Variants in AKAP13 observed in about 807,000 individuals in gnomAD.
The protein encoded by AKAP13 is A-kinase anchor protein 13.
AKAP13 carries 80 observed loss-of-function variants against 264.5 expected under a neutral mutation model. That is an observed-to-expected ratio of 0.30 (90% CI 0.25 to 0.36). AKAP13 has a LOEUF of 0.36. AKAP13 is among the 10% of genes least tolerant of loss of function. AKAP13 has a pLI of 1.00. For synonymous variants in AKAP13, 1,380 were observed against 1,250.2 expected, an observed-to-expected ratio of 1.10 and a Z score of -2.19; for missense variants, 3,712 against 3,435.2, an observed-to-expected ratio of 1.08 and a Z score of -2.01.
At chr15:85,454,665 G>A (rs973014561) in intron 1 of AKAP13, among the ~76,000 whole-genome samples, 6 of 151,982 alleles carry the variant, frequency 3.9e-5, no homozygotes, top group South Asian at 2.1e-4. Flanking sequence ...AAATCTTATC[G>A]TGATGTAATT....
intron 8 of AKAP13, among the ~76,000 whole-genome samples, chr15:85,609,520 G>A (rs192023370): frequency 1.3e-5 from 2 of 152,110 alleles, no homozygotes; most frequent in Non-Finnish European, 2.9e-5. Flanking sequence ...TTCATCTGTC[G>A]ATGGACACTT....
At chr15:85,742,508 C>T (rs1289320656) in intron 35 of AKAP13, among the ~76,000 whole-genome samples, 1 of 152,210 alleles carries the variant, frequency 6.6e-6, no homozygotes, top group Non-Finnish European at 1.5e-5. Context: ...GGCCGCCACT[C>T]CTCTCGTGGA....
chr15:85,428,362 G>C (rs1800271714), intron 1 of AKAP13, among the ~76,000 whole-genome samples: 1 of 152,162 alleles, frequency 6.6e-6, no homozygotes, highest in African/African-American at 2.4e-5. Context: ...ACCACACCTG[G>C]CTAATTTTGT....
At chr15:85,419,771 G>A (rs1184183889) in intron 1 of AKAP13, among the ~76,000 whole-genome samples, 2 of 152,052 alleles carry the variant, frequency 1.3e-5, no homozygotes, top group African/African-American at 4.8e-5. Context: ...CTATTCTGTT[G>A]ATAAATGTCA....
At chr15:85,554,385 T>C (rs752300257) in intron 5 of AKAP13, among the ~76,000 whole-genome samples, 6 of 152,214 alleles carry the variant, frequency 3.9e-5, no homozygotes, top group Non-Finnish European at 5.9e-5. Flanking sequence ...TGCGTATGAA[T>C]ATGATATCTC....
At chr15:85,451,671 T>A (rs964114680) in intron 1 of AKAP13, among the ~76,000 whole-genome samples, 3 of 152,200 alleles carry the variant, frequency 2.0e-5, no homozygotes, top group East Asian at 1.9e-4. Context: ...AAGATTTTTT[T>A]AAAGAATGTT....
At chr15:85,494,563 G>A (rs2075820023) in intron 2 of AKAP13, among the ~76,000 whole-genome samples, 2 of 152,168 alleles carry the variant, frequency 1.3e-5, no homozygotes, top group South Asian at 2.1e-4. Context: ...TGTAGGAATG[G>A]ACTTTATGGG....
intron 5 of AKAP13, among the ~76,000 whole-genome samples, chr15:85,546,918 A>G (rs1313730046): frequency 1.3e-5 from 2 of 151,848 alleles, no homozygotes; most frequent in African/African-American, 2.4e-5. Context: ...TAATTTTTGT[A>G]TTTTTAGTAG....
intron 3 of AKAP13, among the ~76,000 whole-genome samples, chr15:85,530,106 A>G (rs2077199485): frequency 6.6e-6 from 1 of 152,174 alleles, no homozygotes; most frequent in Non-Finnish European, 1.5e-5. Flanking sequence ...TTCACCTGCT[A>G]ACAAACTCTG....
chr15:85,713,605 C>G (rs1755583206), intron 19 of AKAP13, among the ~76,000 whole-genome samples: 1 of 152,046 alleles, frequency 6.6e-6, no homozygotes, highest in Admixed American at 6.6e-5. Flanking sequence ...GGGCCACATC[C>G]CATAATCCTT....
In AKAP13 at chr15:85,724,787, C is replaced by T. The variant is rs899424644; in HGVS notation, c.6745+1467C>T. Among the ~76,000 whole-genome samples, 1 of 151,794 alleles carries T rather than the reference C, an allele frequency of 6.6e-6. No homozygotes were observed. Among genetic ancestry groups the T allele is most frequent in the African/African-American group, 2.4e-5 (1 of 41,286 alleles). On this transcript the variant is annotated intron_variant, in intron 26 of 36. Coordinates refer to ENST00000394518, the MANE Select transcript of AKAP13 (RefSeq NM_007200.5). The surrounding 1 kb of genome is among the most constrained non-coding windows in gnomAD (Gnocchi z 4.2). ...GTGACAGATAAGAGACTGTGCAGTG[C>T]TTTGGGGAAGAGCTCATCTGGGCCT...
chr15:85,636,426 T>G (rs2082072932), intron 8 of AKAP13, among the ~76,000 whole-genome samples: 1 of 152,220 alleles, frequency 6.6e-6, no homozygotes, highest in Non-Finnish European at 1.5e-5. Flanking sequence ...TCCAGAATAT[T>G]GTTGAATAAA....
At chr15:85,420,097 A>C (rs2072451007) in intron 1 of AKAP13, among the ~76,000 whole-genome samples, 2 of 151,476 alleles carry the variant, frequency 1.3e-5, no homozygotes, top group African/African-American at 2.4e-5. Flanking sequence ...GCCCGCCACT[A>C]CGCCCGGCTA....
chr15:85,508,679 A>G (rs1322677653), intron 2 of AKAP13, among the ~76,000 whole-genome samples: 2 of 151,912 alleles, frequency 1.3e-5, no homozygotes, highest in Non-Finnish European at 2.9e-5. Context: ...AAACCCTCCA[A>G]TGGTTTAGCA....
intron 3 of AKAP13, among the ~76,000 whole-genome samples, chr15:85,524,464 G>A (rs1318254565): frequency 1.3e-5 from 2 of 151,926 alleles, no homozygotes; most frequent in East Asian, 1.9e-4. Context: ...GTGAGCCACC[G>A]TGCCCAGCCT....
In AKAP13 at chr15:85,533,752, G is replaced by T; in HGVS notation, c.350G>T (p.Arg117Leu). The T allele has an allele frequency of 6.2e-7, 1 of 1,614,086 alleles. No homozygotes were observed. Among genetic ancestry groups the T allele is most frequent in the Non-Finnish European group, 8.5e-7 (1 of 1,180,012 alleles). ...AATCAGCAGGCTTTGAACTTTACCC[G>T]TTTTCTTGACCAGTCAGGACCCCCA... ...AGNQQALNFT[R>L]FLDQSGPPSG... Residue 117 changes from arginine to leucine, a missense_variant, in exon 4 of 37, where the codon CGT becomes CTT. Physicochemically the swap from Arg to Leu is moderately radical, Grantham distance 102 (BLOSUM62 -2). Around this residue, in one of 3 missense-constraint regions of AKAP13, gnomAD observed 2,759 missense variants for 2,411.7 expected, o/e 1.14. Coordinates refer to ENST00000394518, the MANE Select transcript of AKAP13 (RefSeq NM_007200.5).
intron 33 of AKAP13, among the ~76,000 whole-genome samples, chr15:85,738,213 C>T (rs1230340344): frequency 6.6e-6 from 1 of 151,574 alleles, no homozygotes; most frequent in Non-Finnish European, 1.5e-5. Flanking sequence ...GCCTGGCTAA[C>T]ATGGTGAAAC....
intron 3 of AKAP13, among the ~76,000 whole-genome samples, chr15:85,531,923 G>A (rs2077253935): frequency 6.6e-6 from 1 of 152,128 alleles, no homozygotes; most frequent in African/African-American, 2.4e-5. Flanking sequence ...CAAACACATT[G>A]CCCTGTTTAT....
chr15:85,524,105 C>T (rs763157823), intron 3 of AKAP13, among the ~76,000 whole-genome samples: 9 of 152,138 alleles, frequency 5.9e-5, no homozygotes, highest in African/African-American at 1.2e-4. Context: ...TTTGTGCTTA[C>T]GTGTGGGACT....
Sources: gnomAD v4.1 joint callset for allele counts (sites outside exome capture counted in the v4.1 genomes callset) on GRCh38, gnomAD v4.1.1 for gene constraint, gnomAD v4.1.1 regional missense constraint, Gnocchi (gnomAD v3.1) non-coding constraint, MANE v1.5 for transcripts, NCBI Gene and HGNC (gene_info 2026-07-23, HGNC 2026-07-21) for gene names.